Variants in SPMIP2 observed in about 807,000 individuals in gnomAD.
The protein encoded by SPMIP2 is protein SPMIP2.
At chr4:158,986,639 A>G in the SPMIP2 span, among the ~76,000 whole-genome samples, 1 of 152,160 alleles carries the variant, frequency 6.6e-6, no homozygotes, top group African/African-American at 2.4e-5. Context: ...TTCAAGATGG[A>G]TTAAAGTCTT....
the SPMIP2 span, among the ~76,000 whole-genome samples, chr4:158,975,992 T>C: frequency 6.6e-6 from 1 of 152,240 alleles, no homozygotes. Flanking sequence ...TGGTTTGTAG[T>C]TCTCCTTGAG....
the SPMIP2 span, among the ~76,000 whole-genome samples, chr4:158,974,017 A>G: frequency 2.7e-5 from 4 of 149,992 alleles, no homozygotes; most frequent in Non-Finnish European, 3.0e-5. Flanking sequence ...GACATGATAT[A>G]TACTAAAATT....
At chr4:159,010,456 A>G in the SPMIP2 span, among the ~76,000 whole-genome samples, 1 of 152,194 alleles carries the variant, frequency 6.6e-6, no homozygotes, top group Non-Finnish European at 1.5e-5. Context: ...GAATTCTGGT[A>G]AAGAATCCCC....
the SPMIP2 span, among the ~76,000 whole-genome samples, chr4:158,898,515 G>T: frequency 2.0e-5 from 3 of 151,992 alleles, no homozygotes; most frequent in Non-Finnish European, 1.5e-5. Context: ...TTATTTCCTT[G>T]AGCAGTGGTT....
chr4:159,026,573 A>C, the SPMIP2 span: 1 of 469,082 alleles, frequency 2.1e-6, no homozygotes, highest in African/African-American at 2.0e-5. Flanking sequence ...AAAATCAACA[A>C]GCTCAGTTCA....
At chr4:158,974,993 G>A in the SPMIP2 span, among the ~76,000 whole-genome samples, 2 of 152,034 alleles carry the variant, frequency 1.3e-5, no homozygotes, top group African/African-American at 2.4e-5. Flanking sequence ...TTTAATAATC[G>A]CCATTCTAAC....
chr4:158,960,729 A>C, the SPMIP2 span, among the ~76,000 whole-genome samples: 1 of 152,158 alleles, frequency 6.6e-6, no homozygotes, highest in Non-Finnish European at 1.5e-5. Context: ...TTCTCCTTAC[A>C]GAATCAAAAA....
chr4:159,057,787 ATG>A, the SPMIP2 span, among the ~76,000 whole-genome samples: 1 of 100,872 alleles, frequency 9.9e-6, no homozygotes, highest in African/African-American at 3.3e-5. Context: ...TTTTGAGTAC[ATG>A]ATTATAATTT....
the SPMIP2 span, among the ~76,000 whole-genome samples, chr4:159,004,068 G>A: frequency 6.6e-6 from 1 of 152,006 alleles, no homozygotes; most frequent in Non-Finnish European, 1.5e-5. Flanking sequence ...CCAGGCTGGA[G>A]CACAGTGGCG....
chr4:159,053,413 C>T, the SPMIP2 span, among the ~76,000 whole-genome samples: 39 of 152,130 alleles, frequency 2.6e-4, no homozygotes, highest in African/African-American at 9.2e-4. Flanking sequence ...GTTACAAATG[C>T]ACCTAGGTTG....
chr4:159,071,181 T>C, the SPMIP2 span, among the ~76,000 whole-genome samples: 1 of 152,180 alleles, frequency 6.6e-6, no homozygotes, highest in Non-Finnish European at 1.5e-5. Flanking sequence ...CATGCTAATG[T>C]TTTTGGAGGG....
At chr4:159,036,201 T>C in the SPMIP2 span, among the ~76,000 whole-genome samples, 5 of 152,214 alleles carry the variant, frequency 3.3e-5, no homozygotes, top group Non-Finnish European at 7.3e-5. Flanking sequence ...TTGAGAATTA[T>C]AAGAAAAACA....
chr4:159,057,781 G>C, the SPMIP2 span, among the ~76,000 whole-genome samples: 1 of 145,946 alleles, frequency 6.9e-6, no homozygotes, highest in Non-Finnish European at 1.5e-5. Flanking sequence ...AAAAAATTTT[G>C]AGTACATGAT....
the SPMIP2 span, among the ~76,000 whole-genome samples, chr4:159,016,040 T>C: frequency 2.0e-5 from 3 of 152,258 alleles, no homozygotes; most frequent in Admixed American, 6.5e-5. Flanking sequence ...ATGGAAAATG[T>C]GGTCCTGAGC....
At chr4:158,914,304 T>A in the SPMIP2 span, among the ~76,000 whole-genome samples, 1 of 152,196 alleles carries the variant, frequency 6.6e-6, no homozygotes, top group African/African-American at 2.4e-5. Flanking sequence ...AAGGTCAGGA[T>A]CTACTGAGGA....
chr4:159,033,059 T>C, the SPMIP2 span, among the ~76,000 whole-genome samples: 1 of 152,100 alleles, frequency 6.6e-6, no homozygotes, highest in Non-Finnish European at 1.5e-5. Context: ...TGTCTTTCGA[T>C]AGGGGAAGGG....
chr4:159,047,914 A>G, the SPMIP2 span, among the ~76,000 whole-genome samples: 1 of 152,284 alleles, frequency 6.6e-6, no homozygotes, highest in Admixed American at 6.5e-5. Flanking sequence ...TATGTGAACC[A>G]TGATATGATA....
the SPMIP2 span, among the ~76,000 whole-genome samples, chr4:159,075,629 C>T: frequency 6.6e-6 from 1 of 152,072 alleles, no homozygotes; most frequent in African/African-American, 2.4e-5. Flanking sequence ...GTGCCAACAG[C>T]GTGTAGGACA....
At chr4:159,017,124 G>A in the SPMIP2 span, among the ~76,000 whole-genome samples, 4 of 152,032 alleles carry the variant, frequency 2.6e-5, no homozygotes, top group African/African-American at 9.7e-5. Flanking sequence ...GATGGGAAAG[G>A]AAAAAGGACT....
Sources: gnomAD v4.1 joint callset for allele counts (sites outside exome capture counted in the v4.1 genomes callset) on GRCh38, gnomAD v4.1.1 for gene constraint, MANE v1.5 for transcripts, NCBI Gene and HGNC (gene_info 2026-07-23, HGNC 2026-07-21) for gene names.